The following CCDC3 variants were observed in gnomAD, a reference collection of about 807,000 sequenced individuals.
CCDC3 encodes the protein coiled-coil domain containing 3.
A neutral mutation model predicts 21.4 loss-of-function variants in CCDC3; 24 were observed. The ratio of observed to expected loss-of-function variants is 1.12; its 90% CI spans 0.81 to 1.58. The LOEUF (loss-of-function observed/expected upper bound fraction) is 1.58. Ranked by LOEUF, CCDC3 falls within the 40% of genes most tolerant of loss-of-function variation. The pLI is 0.00. For synonymous variants in CCDC3, 186 were observed against 166.0 expected, an observed-to-expected ratio of 1.12 and a Z score of -0.93; for missense variants, 425 against 360.9, an observed-to-expected ratio of 1.18 and a Z score of -1.44.
chr10:13,038,374 CAAA>C (rs58667035), intron 5 of CCDC3, among the ~76,000 whole-genome samples: 6 of 98,812 alleles, frequency 6.1e-5, no homozygotes, highest in Non-Finnish European at 8.1e-5. Context: ...AGTTGGAAAG[CAAA>C]AAAAAAAAAA....
At chr10:12,903,536 CTTTGAA>C (rs1289471420) in intron 2 of CCDC3, among the ~76,000 whole-genome samples, 1 of 152,222 alleles carries the variant, frequency 6.6e-6, no homozygotes, top group African/African-American at 2.4e-5. Context: ...GCCATATTTT[CTTTGAA>C]GAAGAACCAA....
At chr10:13,036,640 A>G (rs937152862) in intron 5 of CCDC3, among the ~76,000 whole-genome samples, 1 of 151,894 alleles carries the variant, frequency 6.6e-6, no homozygotes, top group Non-Finnish European at 1.5e-5. Flanking sequence ...GCACGCCACC[A>G]TGCCCAGCTA....
chr10:12,980,461 C>T (rs1254414185), intron 2 of CCDC3, among the ~76,000 whole-genome samples: 1 of 152,114 alleles, frequency 6.6e-6, no homozygotes. Flanking sequence ...ACCTCCGTGC[C>T]AGCTGAGAAA....
Position 13,037,920 on chromosome 10 carries a change from G to A in CCDC3, c.-2+11754C>T, listed in dbSNP as rs1836399169. 2.0e-5 allele frequency among the ~76,000 whole-genome samples: 3 copies of A among 152,148 alleles called. No homozygotes were observed. The South Asian group carries it at 6.2e-4, about 32-fold the overall frequency. On this transcript the variant is annotated intron_variant, in intron 5 of 6. Transcript: ENST00000378839. ...CTCTACACTTCCCTACTCCTCTGCT[G>A]GTTCCACAGTGGAGGAGGGAAACTA...
intron 1 of CCDC3, among the ~76,000 whole-genome samples, chr10:12,999,514 C>G (rs673618): frequency 0.96 from 145,637 of 152,302 alleles, 69,679 homozygotes; most frequent in East Asian, 1. Context: ...ACAGTGACCA[C>G]AGGTCCAGTT....
chr10:13,032,700 G>A (rs576771706), intron 5 of CCDC3, among the ~76,000 whole-genome samples: 3 of 152,216 alleles, frequency 2.0e-5, no homozygotes, highest in South Asian at 2.1e-4. Context: ...ACCAATAACA[G>A]ACAAACAGAG....
At chr10:13,056,849 G>A (rs12765022) in intron 4 of CCDC3, among the ~76,000 whole-genome samples, 17,114 of 152,208 alleles carry the variant, frequency 0.11, 1,189 homozygotes, top group Admixed American at 0.17. Context: ...TGAGGAGGAA[G>A]GGAGAGGAGT....
intron 2 of CCDC3, among the ~76,000 whole-genome samples, chr10:12,984,469 G>A (rs1433374229): frequency 1.3e-5 from 2 of 152,182 alleles, no homozygotes; most frequent in African/African-American, 4.8e-5. Flanking sequence ...CACGTAAAAT[G>A]GTGCAGCTGC....
chr10:13,008,039 A>C (rs1269627342), intron 5 of CCDC3, among the ~76,000 whole-genome samples: 2 of 152,152 alleles, frequency 1.3e-5, no homozygotes, highest in African/African-American at 4.8e-5. Flanking sequence ...GAGCCCAAGA[A>C]GGGTTAAGGA....
rs771747758 is a variant in CCDC3, at chr10:12,967,942, G to A, written c.549+30396C>T. Among the ~76,000 whole-genome samples, 27 of 152,028 alleles carry A rather than the reference G, an allele frequency of 1.8e-4. 1 individual carries two copies. Among genetic ancestry groups the A allele is most frequent in the East Asian group, 9.7e-4 (5 of 5,180 alleles). ...TCCCAGCGCTTTGGGAGGCCGAGGC[G>A]GGCAGATCACAAGGTCAGGAGTTCG... On this transcript the variant is annotated intron_variant, in intron 2 of 2. Coordinates refer to ENST00000378825, the MANE Select transcript of CCDC3 (RefSeq NM_031455.4).
intron 2 of CCDC3, among the ~76,000 whole-genome samples, chr10:12,900,406 T>C (rs541688514): frequency 1.2e-4 from 18 of 150,508 alleles, no homozygotes; most frequent in African/African-American, 2.2e-4. Context: ...GGGCTGGGTG[T>C]GGTGGCTCAC....
intron 2 of CCDC3, among the ~76,000 whole-genome samples, chr10:12,989,566 C>T (rs932375233): frequency 6.6e-6 from 1 of 152,122 alleles, no homozygotes; most frequent in Non-Finnish European, 1.5e-5. Flanking sequence ...GGATTACAGG[C>T]ACGTGCCACC....
At chr10:12,956,429 C>G (rs952273350) in intron 2 of CCDC3, among the ~76,000 whole-genome samples, 4 of 152,204 alleles carry the variant, frequency 2.6e-5, no homozygotes, top group African/African-American at 9.6e-5. Flanking sequence ...CAGCCATAAA[C>G]CTAATGGCTG....
Position 12,898,104 on chromosome 10 carries a change from T to C in CCDC3, c.*312A>G, listed in dbSNP as rs1029603214. 3 of 366,140 alleles carry C rather than the reference T, an allele frequency of 8.2e-6. No homozygotes were observed. The highest frequency in any genetic ancestry group is 6.1e-5 in the African/African-American group (3 of 49,156). 22.7% of individuals were successfully genotyped at this position (366,140 alleles called of 1,614,324 possible). ...CTTTTACACTAGAGATTCTAAAATG[T>C]TCTCTCCCCAGTCAGGGCTCTTTCT... is the stretch of plus-strand genomic sequence containing the variant. On this transcript the variant is annotated 3_prime_UTR_variant, in exon 3 of 3. Transcript: ENST00000378825.
At chr10:12,917,312 G>A (rs563015087) in intron 2 of CCDC3, among the ~76,000 whole-genome samples, 219 of 147,500 alleles carry the variant, frequency 1.5e-3, no homozygotes, top group Middle Eastern at 7.1e-3. Flanking sequence ...TCCTGCCTCA[G>A]CCTCCTGAGT....
At chr10:12,935,656 C>A (rs1008657694) in intron 2 of CCDC3, among the ~76,000 whole-genome samples, 75 of 150,608 alleles carry the variant, frequency 5.0e-4, no homozygotes, top group African/African-American at 1.7e-3. Flanking sequence ...CACATACAAC[C>A]AATCCAAGTA....
At chr10:13,020,471 G>A (rs1836130597) in intron 5 of CCDC3, among the ~76,000 whole-genome samples, 1 of 152,194 alleles carries the variant, frequency 6.6e-6, no homozygotes, top group South Asian at 2.1e-4. Flanking sequence ...ATCGTTATAA[G>A]GGAATAAGCT....
chr10:12,925,042 T>G (rs1315674817), intron 2 of CCDC3, among the ~76,000 whole-genome samples: 1 of 152,116 alleles, frequency 6.6e-6, no homozygotes, highest in Admixed American at 6.6e-5. Context: ...TCCAGAAGCC[T>G]CTGTGTGTTG....
chr10:12,905,951 ACT>A lies in CCDC3; in HGVS notation c.550-7274_550-7273del, dbSNP rs1183585034. 2.6e-5 allele frequency among the ~76,000 whole-genome samples: 4 copies of A among 152,080 alleles called. No individual in the cohort carries two copies. The East Asian group carries it at 7.8e-4, about 29-fold the overall frequency. On this transcript the variant is annotated intron_variant, in intron 2 of 2. Coordinates refer to ENST00000378825, the MANE Select transcript of CCDC3 (RefSeq NM_031455.4). ...CCTTCATTATCCACATGATTCAGGGACTCTGGGGAGCTTGATGGGAAGCCCAT... is the reference window on the plus strand; with the variant it reads ...CCTTCATTATCCACATGATTCAGGGACTGGGGAGCTTGATGGGAAGCCCAT...
Sources: gnomAD v4.1 joint callset for allele counts (sites outside exome capture counted in the v4.1 genomes callset) on GRCh38, gnomAD v4.1.1 for gene constraint, MANE v1.5 for transcripts, NCBI Gene and HGNC (gene_info 2026-07-23, HGNC 2026-07-21) for gene names.